The following UNC13C variants were observed in gnomAD, a reference collection of about 807,000 sequenced individuals.
UNC13C encodes the protein protein unc-13 homolog C.
A neutral mutation model predicts 245.4 loss-of-function variants in UNC13C; 174 were observed. The ratio of observed to expected loss-of-function variants is 0.71; its 90% CI spans 0.63 to 0.80. The LOEUF (loss-of-function observed/expected upper bound fraction) is 0.80, where lower values mean the gene tolerates loss of function less well. Ranked by LOEUF, UNC13C falls within the 30% of genes least tolerant of loss-of-function variation. The probability of loss-of-function intolerance (pLI) is 0.00; values close to 1 mark genes in which losing one functional copy is unlikely to be tolerated. For synonymous variants in UNC13C, 992 were observed against 895.1 expected (o/e 1.11, Z -1.93); for missense variants, 2,829 against 2,602.9 (o/e 1.09, Z -1.89).
At chr15:54,038,124 A>ATATATATTTTTTTTTTTTT in intron 2 of UNC13C, among the ~76,000 whole-genome samples, 9 of 45,032 alleles carry the variant, frequency 2.0e-4, no homozygotes, top group East Asian at 1.1e-3. Context: ...ATATATATAT[A>ATATATATTTTTTTTTTTTT]TTTTTTTTTT....
intron 4 of UNC13C, among the ~76,000 whole-genome samples, chr15:54,228,288 C>T (rs1234271551): frequency 6.6e-6 from 1 of 152,110 alleles, no homozygotes; most frequent in East Asian, 1.9e-4. Context: ...TCCAGAAATG[C>T]TGTCCAAAAG....
chr15:54,172,311 TG>T (rs1024755678), intron 4 of UNC13C, among the ~76,000 whole-genome samples: 1 of 151,984 alleles, frequency 6.6e-6, no homozygotes, highest in Admixed American at 6.6e-5. Context: ...GATACCCCAT[TG>T]ACTCTTATGT....
chr15:54,319,568 A>G (rs2033701328), intron 13 of UNC13C, among the ~76,000 whole-genome samples: 1 of 151,998 alleles, frequency 6.6e-6, no homozygotes, highest in Non-Finnish European at 1.5e-5. Flanking sequence ...TTAAAGATTT[A>G]ACCTTTTTTG....
chr15:54,620,703 C>G (rs939618765), intron 30 of UNC13C, among the ~76,000 whole-genome samples: 1 of 151,374 alleles, frequency 6.6e-6, no homozygotes, highest in Non-Finnish European at 1.5e-5. Context: ...GGAGAATCAC[C>G]TGAGCCCTAC....
chr15:54,371,705 G>GATATAT (rs534762481), intron 17 of UNC13C, among the ~76,000 whole-genome samples: 1 of 122,796 alleles, frequency 8.1e-6, no homozygotes, highest in Admixed American at 7.8e-5. Flanking sequence ...CTTAATAATG[G>GATATAT]ATATATATAT....
chr15:54,214,615 A>C (rs1013414212), intron 4 of UNC13C, among the ~76,000 whole-genome samples: 1 of 152,020 alleles, frequency 6.6e-6, no homozygotes, highest in African/African-American at 2.4e-5. Flanking sequence ...TCTAAAGGAT[A>C]GTGTGATTAA....
At chr15:54,069,363 G>C (rs952039862) in intron 2 of UNC13C, among the ~76,000 whole-genome samples, 3 of 152,108 alleles carry the variant, frequency 2.0e-5, no homozygotes, top group East Asian at 3.9e-4. Flanking sequence ...ACAGTGACTG[G>C]AGTCTTCTCT....
intron 2 of UNC13C, among the ~76,000 whole-genome samples, chr15:54,082,138 C>G (rs574177911): frequency 6.6e-6 from 1 of 152,058 alleles, no homozygotes; most frequent in African/African-American, 2.4e-5. Flanking sequence ...TTTAGAAGAC[C>G]GCTGTTAGCC....
At chr15:54,336,036 ATAT>A (rs148961410) in intron 16 of UNC13C, among the ~76,000 whole-genome samples, 5,716 of 145,428 alleles carry the variant, frequency 0.039, 361 homozygotes, top group African/African-American at 0.13. Flanking sequence ...AAAATTAATA[ATAT>A]TGAGAATTTT....
intron 2 of UNC13C, among the ~76,000 whole-genome samples, chr15:54,111,822 G>A (rs1236563421): frequency 6.6e-6 from 1 of 152,172 alleles, no homozygotes; most frequent in Non-Finnish European, 1.5e-5. Context: ...AGTGAGACAT[G>A]AAGGGAGATA....
At chr15:54,502,124 G>C (rs891503846) in intron 22 of UNC13C, among the ~76,000 whole-genome samples, 7 of 152,144 alleles carry the variant, frequency 4.6e-5, no homozygotes, top group African/African-American at 1.7e-4. Context: ...ATTGAATGAT[G>C]ACTGAGGTTT....
intron 17 of UNC13C, among the ~76,000 whole-genome samples, chr15:54,353,573 C>T (rs1175001083): frequency 6.6e-6 from 1 of 152,176 alleles, no homozygotes; most frequent in African/African-American, 2.4e-5. Context: ...TGGGCTTCTG[C>T]TAAAACTATC....
At chr15:54,200,983 A>G (rs1337637857) in intron 4 of UNC13C, among the ~76,000 whole-genome samples, 4 of 152,100 alleles carry the variant, frequency 2.6e-5, no homozygotes, top group Non-Finnish European at 4.4e-5. Context: ...GAAACGTGAG[A>G]TATTATAACT....
At chr15:54,082,473 A>G (rs1010978793) in intron 2 of UNC13C, among the ~76,000 whole-genome samples, 1 of 151,778 alleles carries the variant, frequency 6.6e-6, no homozygotes, top group African/African-American at 2.4e-5. Context: ...AATTTTTTTT[A>G]AATTTTGTCT....
chr15:54,485,781 A>G (rs1893374902), intron 19 of UNC13C, among the ~76,000 whole-genome samples: 3 of 152,018 alleles, frequency 2.0e-5, no homozygotes, highest in Admixed American at 6.5e-5. Context: ...TGTCAAGCAC[A>G]CTTTTTTGCT....
intron 29 of UNC13C, among the ~76,000 whole-genome samples, chr15:54,557,293 T>C (rs774689960): frequency 1.3e-5 from 2 of 151,826 alleles, no homozygotes; most frequent in Non-Finnish European, 1.5e-5. Flanking sequence ...GCCAACTCTT[T>C]CTCTAGGCAC....
chr15:54,300,343 A>G lies in UNC13C; in HGVS notation c.4238A>G (p.Tyr1413Cys), dbSNP rs1168967055. 1 of 1,579,902 alleles carries G rather than the reference A, an allele frequency of 6.3e-7. No individual in the cohort carries two copies. Among genetic ancestry groups the G allele is most frequent in the Non-Finnish European group, 8.6e-7 (1 of 1,161,226 alleles). The stretch of plus-strand genomic sequence containing the variant: ...ATAGTTGATGAATTTGCTATGCGTT[A>G]TGGAATTGAATCCATTTATCAAGCT... ...QEIVDEFAMR[Y>C]GIESIYQAMT... The change falls in exon 13 of 33, where the codon TAT becomes TGT. Residue 1413 changes from tyrosine to cysteine, a missense_variant. Physicochemically the swap from Tyr to Cys is radical, Grantham distance 194 (BLOSUM62 -2). Transcript: ENST00000260323.
At chr15:54,118,892 T>G (rs998307772) in intron 2 of UNC13C, among the ~76,000 whole-genome samples, 5 of 151,496 alleles carry the variant, frequency 3.3e-5, no homozygotes, top group African/African-American at 1.2e-4. Context: ...TCTATTGAAA[T>G]GATCTTACGG....
At chr15:53,996,374 T>C (rs1894634559) in intron 1 of UNC13C, among the ~76,000 whole-genome samples, 2 of 152,226 alleles carry the variant, frequency 1.3e-5, no homozygotes, top group Non-Finnish European at 2.9e-5. Context: ...TAAAGATTAA[T>C]GTCAGAAGAA....
Sources: allele counts gnomAD v4.1 joint callset (sites outside exome capture counted in the v4.1 genomes callset), GRCh38; gene constraint gnomAD v4.1.1; transcripts MANE v1.5; gene names NCBI Gene and HGNC (gene_info 2026-07-23, HGNC 2026-07-21).